EXOC5: variants seen among roughly 807,000 people sequenced by gnomAD.
The protein encoded by EXOC5 is SEC10-like 1.
EXOC5 carries 17 observed loss-of-function variants against 90.8 expected under a neutral mutation model. That is an observed-to-expected ratio of 0.19 (90% CI 0.13 to 0.28). The LOEUF is 0.28. Among genes scored for constraint, EXOC5 ranks in the 10% least tolerant of loss-of-function variants. The probability of loss-of-function intolerance (pLI) is 1.00; values close to 1 mark genes in which losing one functional copy is unlikely to be tolerated. For synonymous variants in EXOC5, 260 were observed against 270.0 expected, an observed-to-expected ratio of 0.96 and a Z score of 0.36; for missense variants, 569 against 830.6, an observed-to-expected ratio of 0.69 and a Z score of 3.87.
intron 2 of EXOC5, 36 bp downstream of exon 2, chr14:57,247,582 A>G (rs1884067875): frequency 1.0e-6 from 1 of 980,380 alleles, no homozygotes; most frequent in African/African-American, 1.6e-5. Flanking sequence ...TGTGTACCAG[A>G]TTAGATCTGT....
chr14:57,229,943 T>A (rs918742008), intron 11 of EXOC5, 62 bp from the exon 12 acceptor site: 5 of 1,075,590 alleles, frequency 4.6e-6, no homozygotes, highest in Non-Finnish European at 6.3e-6. Context: ...CAACTTTGAG[T>A]ACTTCCAAAC....
Position 57,235,229 on chromosome 14 carries a change from G to C in EXOC5, c.669+482C>G, listed in dbSNP as rs77579785. On this transcript the variant is annotated intron_variant, in intron 7 of 17. Transcript: ENST00000621441. ...TTTGCAGAAATATACTCCTACACAG[G>C]GATTCTCTCCCGAGTTCAAATTCTA... Among the ~76,000 whole-genome samples, 1,499 of 152,020 alleles carry C rather than the reference G, an allele frequency of 9.9e-3. 28 individuals are homozygous for C. The highest frequency in any genetic ancestry group is 0.035 in the African/African-American group (1,446 of 41,484).
intron 12 of EXOC5, among the ~76,000 whole-genome samples, chr14:57,226,790 A>G (rs1883321236): frequency 6.6e-6 from 1 of 152,210 alleles, no homozygotes; most frequent in Non-Finnish European, 1.5e-5. Flanking sequence ...TAATTGTAAA[A>G]TTATGAACTT....
At position 57,208,749 on chromosome 14, in the gene EXOC5, G is replaced by A. The variant is rs1566723285; in HGVS notation, c.1987C>T (p.Leu663Phe). ...LFDTLHALCN[L>F]LVVAPDNLKQ... is the part of the protein sequence containing the mutation. ...AAATTATCTGGGGCAACTACCAGAA[G>A]ATTGCAAAGAGCATGCAGAGTATCA... is the stretch of plus-strand genomic sequence containing the variant. The change falls in exon 18 of 18, where the codon CTT becomes TTT. Residue 663 changes from leucine (L) to phenylalanine (F), a missense_variant. Physicochemically the swap from Leu to Phe is conservative, Grantham distance 22. Coordinates refer to ENST00000621441, the MANE Select transcript of EXOC5 (RefSeq NM_006544.4). The A allele has an allele frequency of 6.2e-7, 1 of 1,610,938 alleles. No individual in the cohort carries two copies. The highest frequency in any genetic ancestry group is 8.5e-7 in the Non-Finnish European group (1 of 1,177,586).
chr14:57,219,464 A>G (rs1883063944), intron 13 of EXOC5, 22 bp from the exon 14 acceptor site: 1 of 1,546,802 alleles, frequency 6.5e-7, no homozygotes, highest in Non-Finnish European at 8.7e-7. Flanking sequence ...AAGCATACAT[A>G]TGTTAGAATC....
chr14:57,226,918 A>G (rs1353656208), intron 12 of EXOC5, among the ~76,000 whole-genome samples: 1 of 152,180 alleles, frequency 6.6e-6, no homozygotes. Flanking sequence ...TTAGGCAAAG[A>G]CTTCTTATAT....
At chr14:57,262,695 GTATA>G (rs200507075) in intron 1 of EXOC5, among the ~76,000 whole-genome samples, 6 of 144,958 alleles carry the variant, frequency 4.1e-5, no homozygotes, top group Non-Finnish European at 6.0e-5. Context: ...AAGTATATAT[GTATA>G]TATATATGTA....
intron 4 of EXOC5, among the ~76,000 whole-genome samples, chr14:57,240,534 G>A (rs929287744): frequency 4.0e-5 from 6 of 151,636 alleles, no homozygotes; most frequent in Admixed American, 1.3e-4. Context: ...CGCCCACCTC[G>A]GCCTCCCAAA....
chr14:57,253,511 CTTTG>C (rs1372929329), intron 1 of EXOC5, among the ~76,000 whole-genome samples: 1 of 152,162 alleles, frequency 6.6e-6, no homozygotes, highest in African/African-American at 2.4e-5. Flanking sequence ...ATCCCAATGA[CTTTG>C]TTTTATTCAA....
chr14:57,222,555 G>A (rs1357724471), intron 12 of EXOC5, 139 bp from the exon 13 acceptor site: 18 of 503,442 alleles, frequency 3.6e-5, no homozygotes, highest in African/African-American at 7.9e-5. Context: ...CCCATACTGC[G>A]TGTGCATGCA....
chr14:57,244,395 G>A, intron 3 of EXOC5, 36 bp from the exon 4 acceptor site: 1 of 1,450,744 alleles, frequency 6.9e-7, no homozygotes, highest in South Asian at 1.1e-5. Context: ...AATACAATCA[G>A]TGTGCTCAGT....
rs73290157 is a variant in EXOC5, at chr14:57,257,478, C to T, written c.28-9766G>A. Among the ~76,000 whole-genome samples the T allele has an allele frequency of 8.7e-3, 1,318 of 152,138 alleles. 23 individuals are homozygous for T. Among genetic ancestry groups the T allele is most frequent in the African/African-American group, 0.03 (1,243 of 41,500 alleles). ...GGTTGAGATCTACGAGGAAGAAAGG[C>T]ATGCCAAGATTTGGAGATAAGAGCA... On this transcript the variant is annotated intron_variant, in intron 1 of 17. Transcript: ENST00000621441.
chr14:57,219,550 C>T, intron 13 of EXOC5, 108 bp from the exon 14 acceptor site: 1 of 830,728 alleles, frequency 1.2e-6, no homozygotes, highest in Non-Finnish European at 1.9e-6. Flanking sequence ...ATAAATGACA[C>T]CGCTATTTTA....
At chr14:57,238,221 TATACACACACACACACAC>T (rs1883728009) in intron 5 of EXOC5, among the ~76,000 whole-genome samples, 1 of 93,260 alleles carries the variant, frequency 1.1e-5, no homozygotes, top group African/African-American at 3.0e-5. Context: ...TCCACATATA[TATACACACACACACACAC>T]ACACACACAC....
chr14:57,241,560 C>G (rs532876234), intron 4 of EXOC5, among the ~76,000 whole-genome samples: 1 of 152,160 alleles, frequency 6.6e-6, no homozygotes, highest in East Asian at 1.9e-4. Context: ...AATGTACTAA[C>G]TAGTATAGGG....
intron 12 of EXOC5, among the ~76,000 whole-genome samples, chr14:57,227,888 A>C (rs1883355658): frequency 6.6e-6 from 1 of 151,822 alleles, no homozygotes; most frequent in Non-Finnish European, 1.5e-5. Context: ...TTTATTTGCA[A>C]ACTAACAACC....
At chr14:57,227,598 C>T (rs944720040) in intron 12 of EXOC5, among the ~76,000 whole-genome samples, 1 of 152,168 alleles carries the variant, frequency 6.6e-6, no homozygotes, top group African/African-American at 2.4e-5. Context: ...CTGCTTATTG[C>T]TCCACTTCCT....
At chr14:57,253,814 AG>A in intron 1 of EXOC5, among the ~76,000 whole-genome samples, 1 of 152,230 alleles carries the variant, frequency 6.6e-6, no homozygotes, top group East Asian at 1.9e-4. Context: ...CAAATGCAAA[AG>A]CATCCTTACC....
At chr14:57,223,049 A>G (rs1883201540) in intron 12 of EXOC5, among the ~76,000 whole-genome samples, 1 of 152,068 alleles carries the variant, frequency 6.6e-6, no homozygotes, top group Admixed American at 6.6e-5. Context: ...ATTTAACCCC[A>G]CCATGCCTCA....
Sources: gnomAD v4.1 joint callset for allele counts (sites outside exome capture counted in the v4.1 genomes callset) on GRCh38, gnomAD v4.1.1 for gene constraint, MANE v1.5 for transcripts, NCBI Gene and HGNC (gene_info 2026-07-23, HGNC 2026-07-21) for gene names.